Variants in CA10 observed in about 807,000 individuals in gnomAD.
CA10 encodes carbonic anhydrase 10 (inactive).
Under a neutral mutation model 44.2 loss-of-function variants are expected in CA10, and 14 were observed. The observed-to-expected ratio is 0.32, with a 90% confidence interval of 0.21 to 0.50. The LOEUF (loss-of-function observed/expected upper bound fraction) is 0.50. Among genes scored for constraint, CA10 ranks in the 20% least tolerant of loss-of-function variants. The pLI, the probability that CA10 is intolerant of heterozygous loss-of-function variation, is 0.99. For missense variants in CA10, 350 were observed against 409.7 expected (o/e 0.85, Z 1.26); for synonymous variants, 159 against 141.6 (o/e 1.12, Z -0.87).
At chr17:52,012,113 G>T (rs2144137450) in intron 2 of CA10, among the ~76,000 whole-genome samples, 1 of 152,012 alleles carries the variant, frequency 6.6e-6, no homozygotes, top group South Asian at 2.1e-4. Flanking sequence ...TTAATACTAA[G>T]CAATTTACTA....
chr17:51,988,413 ATAAAAGGAGGT>A (rs1984921541), intron 2 of CA10, among the ~76,000 whole-genome samples: 1 of 152,000 alleles, frequency 6.6e-6, no homozygotes, highest in Admixed American at 6.6e-5. Context: ...AAAGATCCTC[ATAAAAGGAGGT>A]TAAAAAGTAC....
At chr17:51,987,393 C>A (rs575935275) in intron 2 of CA10, among the ~76,000 whole-genome samples, 1 of 151,598 alleles carries the variant, frequency 6.6e-6, no homozygotes, top group African/African-American at 2.4e-5. Flanking sequence ...GGGAAGGGGG[C>A]GAGGGATAAA....
intron 4 of CA10, among the ~76,000 whole-genome samples, chr17:51,692,831 G>A (rs1311929993): frequency 2.0e-5 from 3 of 152,172 alleles, no homozygotes; most frequent in Admixed American, 2.0e-4. Flanking sequence ...ATTATGAATT[G>A]ACCAGTTTCA....
At chr17:51,947,854 T>C (rs776568960) in intron 2 of CA10, among the ~76,000 whole-genome samples, 1 of 152,000 alleles carries the variant, frequency 6.6e-6, no homozygotes, top group Non-Finnish European at 1.5e-5. Flanking sequence ...TGGAGCAACA[T>C]ATGTCCAGTT....
At chr17:52,042,977 T>C (rs951042655) in intron 2 of CA10, among the ~76,000 whole-genome samples, 17 of 152,190 alleles carry the variant, frequency 1.1e-4, no homozygotes, top group African/African-American at 3.8e-4. Flanking sequence ...TCTAGTACTA[T>C]ACTCCTTTGA....
Position 51,978,754 on chromosome 17 carries a change from C to T in CA10, c.137-47622G>A, listed in dbSNP as rs4793726. Among the ~76,000 whole-genome samples the T allele has an allele frequency of 6.2e-3, 939 of 152,058 alleles. 5 individuals carry two copies. The highest frequency in any genetic ancestry group is 0.014 in the Middle Eastern group (4 of 294). ...TTGCAATGTAAAGCTATTTGTTGCTCCATGGTTGCCTGAATGCCAGCACCC... is the reference window on the plus strand; with the variant it reads ...TTGCAATGTAAAGCTATTTGTTGCTTCATGGTTGCCTGAATGCCAGCACCC... On this transcript the variant is annotated intron_variant, in intron 2 of 8. Transcript: ENST00000451037.
Position 51,717,555 on chromosome 17 carries a change from AT to A in CA10, c.465+30077del, listed in dbSNP as rs1342356223. ...TATATATATATATATATATATATAT[AT>A]ATATAATATTACATAAATATATAAA... On this transcript the variant is annotated intron_variant, in intron 4 of 8. Coordinates refer to ENST00000451037, the MANE Select transcript of CA10 (RefSeq NM_020178.5). Among the ~76,000 whole-genome samples, 103 of 85,798 alleles carry A rather than the reference AT, an allele frequency of 1.2e-3. 6 individuals carry two copies. Among genetic ancestry groups the A allele is most frequent in the African/African-American group, 3.2e-3 (89 of 27,908 alleles). The allele number at this position is 85,798 out of a possible 152,430, so 56.3% of individuals were successfully genotyped here. A position where few individuals can be genotyped will look rare whatever the true frequency, so the allele number is the denominator to read the frequency against.
intron 3 of CA10, among the ~76,000 whole-genome samples, chr17:51,755,479 G>C (rs1263306142): frequency 2.0e-5 from 3 of 152,168 alleles, no homozygotes; most frequent in African/African-American, 7.2e-5. Flanking sequence ...GATTATGTGA[G>C]GTTTCCGATA....
chr17:52,026,225 C>A (rs1447321027), intron 2 of CA10, among the ~76,000 whole-genome samples: 1 of 152,090 alleles, frequency 6.6e-6, no homozygotes, highest in African/African-American at 2.4e-5. Context: ...GGGCCCCATG[C>A]AGCTGAGGAT....
intron 3 of CA10, among the ~76,000 whole-genome samples, chr17:51,773,788 C>T (rs1170001796): frequency 2.0e-5 from 3 of 152,232 alleles, no homozygotes; most frequent in Admixed American, 2.0e-4. Context: ...CTGAATGTTT[C>T]AGGCATCTTG....
chr17:52,063,279 G>A (rs373781653), intron 2 of CA10, among the ~76,000 whole-genome samples: 10 of 152,310 alleles, frequency 6.6e-5, no homozygotes, highest in Admixed American at 2.0e-4. Context: ...CTTGCCTTGA[G>A]TCTCAGATGA....
chr17:51,713,081 G>A (rs895767200), intron 4 of CA10, among the ~76,000 whole-genome samples: 1 of 152,196 alleles, frequency 6.6e-6, no homozygotes, highest in Non-Finnish European at 1.5e-5. Flanking sequence ...GTAAATTGGA[G>A]GTGAGGTTTT....
chr17:52,042,729 AAT>A (rs1986806586), intron 2 of CA10, among the ~76,000 whole-genome samples: 1 of 150,710 alleles, frequency 6.6e-6, no homozygotes, highest in Admixed American at 6.7e-5. Flanking sequence ...ATTAGTTTCA[AAT>A]GTCACATTTA....
intron 3 of CA10, among the ~76,000 whole-genome samples, chr17:51,838,277 C>A (rs543123349): frequency 6.6e-6 from 1 of 152,334 alleles, no homozygotes; most frequent in South Asian, 2.1e-4. Context: ...ACCATCTTGC[C>A]TGAGTCTCAG....
At chr17:51,915,171 T>C (rs755796353) in intron 3 of CA10, among the ~76,000 whole-genome samples, 2 of 152,222 alleles carry the variant, frequency 1.3e-5, no homozygotes, top group African/African-American at 2.4e-5. Flanking sequence ...AGGGGTCATC[T>C]TTATGCACAT....
At chr17:52,024,164 AC>A (rs1986229032) in intron 2 of CA10, among the ~76,000 whole-genome samples, 1 of 152,072 alleles carries the variant, frequency 6.6e-6, no homozygotes, top group Non-Finnish European at 1.5e-5. Context: ...CATTTTATGC[AC>A]ATTATCTGGT....
At chr17:51,913,606 C>T (rs1981872209) in intron 3 of CA10, among the ~76,000 whole-genome samples, 1 of 152,110 alleles carries the variant, frequency 6.6e-6, no homozygotes, top group African/African-American at 2.4e-5. Flanking sequence ...ATGGGAGTAG[C>T]TGTGTCATGT....
chr17:51,701,376 T>C (rs1213593713), intron 4 of CA10, among the ~76,000 whole-genome samples: 1 of 152,230 alleles, frequency 6.6e-6, no homozygotes, highest in Non-Finnish European at 1.5e-5. Context: ...TAAGTACATC[T>C]GCAAAGACCC....
chr17:51,969,091 T>C (rs203053), intron 2 of CA10, among the ~76,000 whole-genome samples: 150,766 of 152,028 alleles, frequency 0.99, 74,767 homozygotes, highest in East Asian at 1. Flanking sequence ...TTGGATAAAG[T>C]GCAGCAATCT....
Sources: allele counts gnomAD v4.1 joint callset (sites outside exome capture counted in the v4.1 genomes callset), GRCh38; gene constraint gnomAD v4.1.1; transcripts MANE v1.5; gene names NCBI Gene and HGNC (gene_info 2026-07-23, HGNC 2026-07-21).